The following RGSL1 variants were observed in gnomAD, a reference collection of about 807,000 sequenced individuals.
The protein encoded by RGSL1 is regulator of G protein signaling protein-like.
Under a neutral mutation model 124.7 loss-of-function variants are expected in RGSL1, and 97 were observed. That is an observed-to-expected ratio of 0.78 (90% CI 0.66 to 0.92). The LOEUF (loss-of-function observed/expected upper bound fraction) is 0.92. RGSL1 is among the 40% of genes least tolerant of loss of function. RGSL1 has a pLI of 0.00. For synonymous variants in RGSL1, 424 were observed against 438.1 expected (o/e 0.97, Z 0.40); for missense variants, 1,233 against 1,288.4 (o/e 0.96, Z 0.66).
At chr1:182,527,835 G>T in intron 11 of RGSL1, 63 bp downstream of exon 11, 1 of 1,381,342 alleles carries the variant, frequency 7.2e-7, no homozygotes, top group South Asian at 1.4e-5. Flanking sequence ...AATAGCCTGG[G>T]AAATAGCCTA....
In RGSL1 at chr1:182,522,069, C is replaced by T. The variant is rs1658385838; in HGVS notation, c.1891C>T (p.Leu631Phe). ...VSRSNRKMSLLKRTLVRKPSM... is the reference protein window; with the variant it reads ...VSRSNRKMSLFKRTLVRKPSM... ...ACGCTCAAATAGGAAAATGTCCTTGCTCAAAAGAACTCTTGTAAGGAAGCC... is the reference window on the plus strand; with the variant it reads ...ACGCTCAAATAGGAAAATGTCCTTGTTCAAAAGAACTCTTGTAAGGAAGCC... Residue 631 changes from leucine (L) to phenylalanine (F), a missense_variant, in exon 10 of 22, where the codon CTC (leucine) becomes TTC (phenylalanine). Transcript: ENST00000294854. 3 of 1,549,810 alleles carry T rather than the reference C, an allele frequency of 1.9e-6. No individual in the cohort carries two copies. Among genetic ancestry groups the T allele is most frequent in the Non-Finnish European group, 8.7e-7 (1 of 1,146,396 alleles).
At chr1:182,510,807 CTTCTTATATA>C (rs1657397316) in intron 9 of RGSL1, among the ~76,000 whole-genome samples, 1 of 152,112 alleles carries the variant, frequency 6.6e-6, no homozygotes. Flanking sequence ...GTTGTTTGAG[CTTCTTATATA>C]TTCTGGTTAT....
intron 4 of RGSL1, among the ~76,000 whole-genome samples, chr1:182,465,520 G>C (rs1038868264): frequency 2.6e-5 from 4 of 151,644 alleles, no homozygotes; most frequent in South Asian, 4.2e-4. Flanking sequence ...TAAATGACGA[G>C]TTAATGGGTG....
chr1:182,462,506 T>G (rs1166503581), intron 4 of RGSL1, among the ~76,000 whole-genome samples: 1 of 152,182 alleles, frequency 6.6e-6, no homozygotes, highest in African/African-American at 2.4e-5. Context: ...ACTGCCCTTT[T>G]TTGTTTTTTC....
intron 19 of RGSL1, among the ~76,000 whole-genome samples, chr1:182,554,283 T>C (rs1017953876): frequency 1.3e-5 from 2 of 152,330 alleles, no homozygotes; most frequent in South Asian, 4.1e-4. Context: ...CTATGGAACA[T>C]TGCCTGTGAT....
At position 182,554,207 on chromosome 1, in the gene RGSL1, T is replaced by C. The variant is rs1431510113; in HGVS notation, c.3131-420T>C. On this transcript the variant is annotated intron_variant, in intron 19 of 21. Coordinates refer to ENST00000294854, the MANE Select transcript of RGSL1 (RefSeq NM_001137669.2). ...ACTGCTTTTCTGCTTCTCACAGGCA[T>C]GAAATGCCAGCATACCTGACCTGCC... 3.9e-5 allele frequency among the ~76,000 whole-genome samples: 6 copies of C among 152,314 alleles called. No homozygotes were observed. The South Asian group carries it at 1.0e-3, about 26-fold the overall frequency.
At chr1:182,516,548 GA>G (rs1325820512) in intron 9 of RGSL1, among the ~76,000 whole-genome samples, 1 of 152,086 alleles carries the variant, frequency 6.6e-6, no homozygotes, top group Non-Finnish European at 1.5e-5. Flanking sequence ...TCTTTGTGGT[GA>G]AGTGATTTTC....
chr1:182,484,431 A>C (rs963436653), intron 6 of RGSL1, among the ~76,000 whole-genome samples: 20 of 152,108 alleles, frequency 1.3e-4, no homozygotes, highest in Non-Finnish European at 1.6e-4. Flanking sequence ...CAAGCATGAG[A>C]ATATGTGACT....
intron 4 of RGSL1, among the ~76,000 whole-genome samples, chr1:182,465,878 C>T (rs1356471754): frequency 6.6e-6 from 1 of 151,980 alleles, no homozygotes; most frequent in Non-Finnish European, 1.5e-5. Flanking sequence ...AAGTATAGGC[C>T]AATATTCCTG....
intron 8 of RGSL1, among the ~76,000 whole-genome samples, chr1:182,491,759 G>C (rs528539868): frequency 6.6e-6 from 1 of 152,220 alleles, no homozygotes; most frequent in Non-Finnish European, 1.5e-5. Flanking sequence ...AAATAGTATA[G>C]CTTCAGAAAG....
intron 9 of RGSL1, among the ~76,000 whole-genome samples, chr1:182,494,704 A>T (rs1248325508): frequency 6.6e-6 from 1 of 152,178 alleles, no homozygotes; most frequent in Non-Finnish European, 1.5e-5. Context: ...GACACACCTT[A>T]TAATGGTCTT....
rs962830762 is a variant in RGSL1 at position 182,472,491 on chromosome 1, C to A, written c.397C>A (p.Leu133Ile). Residue 133 changes from leucine to isoleucine, a missense_variant, in exon 5 of 22, where the codon CTC becomes ATC. Transcript: ENST00000294854. Reference sequence around the variant, plus strand: ...GAGAGACTACTACCTGTCCCTCCTCCTCATGCTGAGGGCCACTCATCTGCA... The same window carrying A: ...GAGAGACTACTACCTGTCCCTCCTCATCATGCTGAGGGCCACTCATCTGCA... ...EVRDYYLSLL[L>I]MLRATHLQEG... 25 of 1,550,914 alleles carry A rather than the reference C, an allele frequency of 1.6e-5. No individual in the cohort carries two copies. The highest frequency in any genetic ancestry group is 1.7e-4 in the Middle Eastern group (1 of 6,008).
chr1:182,512,086 C>G (rs1448416590), intron 9 of RGSL1, among the ~76,000 whole-genome samples: 2 of 152,018 alleles, frequency 1.3e-5, no homozygotes, highest in African/African-American at 4.8e-5. Context: ...GATTTTGTAT[C>G]CTGAAACCTT....
chr1:182,450,863 T>C (rs554519233), intron 1 of RGSL1, among the ~76,000 whole-genome samples: 13 of 152,282 alleles, frequency 8.5e-5, no homozygotes, highest in African/African-American at 2.6e-4. Flanking sequence ...TTGAAAATCA[T>C]TGGCTGGGAG....
intron 12 of RGSL1, 139 bp from the exon 13 acceptor site, chr1:182,530,651 A>G (rs1313975943): frequency 1.0e-6 from 1 of 997,326 alleles, no homozygotes; most frequent in East Asian, 2.7e-5. Context: ...ATAGAGTAAG[A>G]AGAGAATTTT....
chr1:182,527,621 C>T lies in RGSL1; in HGVS notation c.1974C>T (p.Phe658=), dbSNP rs555891854. The change falls in exon 11 of 22, where the codon TTC becomes TTT. Residue 658 remains phenylalanine (F), a synonymous_variant. Coordinates refer to ENST00000294854, the MANE Select transcript of RGSL1 (RefSeq NM_001137669.2). Reference sequence around the variant, plus strand: ...TCTTAAATACACAGCACTTGGAGTTCTTCAGGGAGTTCCTCAAGGAACGGA... The same window carrying T: ...TCTTAAATACACAGCACTTGGAGTTTTTCAGGGAGTTCCTCAAGGAACGGA... ...EVLLNTQHLE[F]FREFLKERKA... 6.4e-6 allele frequency: 10 copies of T among 1,551,684 alleles called. 1 individual carries two copies. The highest frequency in any genetic ancestry group is 3.3e-4 in the Middle Eastern group (2 of 5,990).
At chr1:182,526,585 T>C (rs1479553577) in intron 10 of RGSL1, among the ~76,000 whole-genome samples, 1 of 151,858 alleles carries the variant, frequency 6.6e-6, no homozygotes, top group Non-Finnish European at 1.5e-5. Context: ...AGCAGGGAGA[T>C]CACTTGAGCC....
chr1:182,560,116 C>T (rs1269365581), intron 21 of RGSL1, 163 bp from the exon 22 acceptor site: 2 of 152,246 alleles, frequency 1.3e-5, no homozygotes, highest in African/African-American at 4.8e-5. Context: ...TTCATGCTTT[C>T]ACTGACCTTA....
At position 182,530,895 on chromosome 1, in the gene RGSL1, C is replaced by A; in HGVS notation, c.2349C>A (p.Tyr783Ter). 6.5e-7 allele frequency: 1 copy of A among 1,548,444 alleles called. No individual in the cohort carries two copies. Among genetic ancestry groups the A allele is most frequent in the Non-Finnish European group, 8.7e-7 (1 of 1,145,614 alleles). ...AGCCCTCAAAGATAGTGTCAACTTA[C>A]CTACAGGAATCCCAGGTTAGTGAAG... ...SRKPSKIVSTYLQESQKKGWM... is the reference protein window; with the variant it reads ...SRKPSKIVST The change falls in exon 13 of 22, where the codon TAC becomes TAA. Residue 783 changes from tyrosine (Y) to a stop codon, truncating the protein, a stop_gained. Coordinates refer to ENST00000294854, the MANE Select transcript of RGSL1 (RefSeq NM_001137669.2). LOFTEE classifies it high-confidence loss of function.
Sources: gnomAD v4.1 joint callset for allele counts (sites outside exome capture counted in the v4.1 genomes callset) on GRCh38, gnomAD v4.1.1 for gene constraint, MANE v1.5 for transcripts, NCBI Gene and HGNC (gene_info 2026-07-23, HGNC 2026-07-21) for gene names.